The following RASAL2 variants were observed in gnomAD, a reference collection of about 807,000 sequenced individuals.
RASAL2 encodes RAS protein activator like 2.
Under a neutral mutation model 128.9 loss-of-function variants are expected in RASAL2, and 58 were observed. The ratio of observed to expected loss-of-function variants is 0.45; its 90% CI spans 0.36 to 0.56. RASAL2 has a LOEUF of 0.56. Ranked by LOEUF, RASAL2 falls within the 20% of genes least tolerant of loss-of-function variation. RASAL2 has a pLI of 0.00. For synonymous variants in RASAL2, 561 were observed against 580.8 expected (o/e 0.97, Z 0.49); for missense variants, 1,360 against 1,601.6 (o/e 0.85, Z 2.57).
intron 1 of RASAL2, among the ~76,000 whole-genome samples, chr1:178,112,381 C>G (rs1368572454): frequency 2.6e-5 from 4 of 151,928 alleles, no homozygotes; most frequent in African/African-American, 9.7e-5. Context: ...GAAACCCCGT[C>G]TCTACTAAAA....
At chr1:178,340,242 G>A (rs897320233) in intron 3 of RASAL2, among the ~76,000 whole-genome samples, 1 of 152,154 alleles carries the variant, frequency 6.6e-6, no homozygotes, top group African/African-American at 2.4e-5. Flanking sequence ...TTAAAAGGTA[G>A]ATGATAGATT....
In RASAL2 at chr1:178,347,916, A is replaced by T. The variant is rs551567742; in HGVS notation, c.458-42184A>T. Among the ~76,000 whole-genome samples the T allele has an allele frequency of 1.1e-4, 17 of 152,378 alleles. No individual in the cohort carries two copies. In the South Asian group the frequency reaches 3.1e-3, roughly 28 times the overall value. ...TGAAACTACCCAAATGCTCATCAGCAGTAGAATGAATAAATTGTGGTTTGC... is the reference window on the plus strand; with the variant it reads ...TGAAACTACCCAAATGCTCATCAGCTGTAGAATGAATAAATTGTGGTTTGC... On this transcript the variant is annotated intron_variant, in intron 3 of 17. Transcript: ENST00000367649.
intron 2 of RASAL2, among the ~76,000 whole-genome samples, chr1:178,299,203 ATGTC>A (rs999609681): frequency 2.6e-5 from 4 of 152,186 alleles, no homozygotes; most frequent in Non-Finnish European, 5.9e-5. Flanking sequence ...TTTATTAACT[ATGTC>A]TAAGTGCTCA....
chr1:178,335,251 G>GA (rs1213007781), intron 3 of RASAL2, among the ~76,000 whole-genome samples: 8 of 151,338 alleles, frequency 5.3e-5, no homozygotes, highest in Non-Finnish European at 1.2e-4. Context: ...ATATTCTACA[G>GA]AAAAAAAATA....
chr1:178,177,981 T>C (rs1438125135), intron 1 of RASAL2, among the ~76,000 whole-genome samples: 2 of 152,180 alleles, frequency 1.3e-5, no homozygotes, highest in African/African-American at 4.8e-5. Context: ...ATCTCCATAT[T>C]GTAGGGGTTA....
chr1:178,358,005 G>A (rs1257501819), intron 3 of RASAL2, among the ~76,000 whole-genome samples: 3 of 151,968 alleles, frequency 2.0e-5, no homozygotes, highest in African/African-American at 7.2e-5. Context: ...GGAAGCTAAG[G>A]AAGGCGGATC....
chr1:178,210,051 TC>T (rs1325263439), intron 1 of RASAL2, among the ~76,000 whole-genome samples: 1 of 152,086 alleles, frequency 6.6e-6, no homozygotes, highest in Non-Finnish European at 1.5e-5. Flanking sequence ...TTAAATTTTC[TC>T]CCTGTGACTG....
intron 3 of RASAL2, among the ~76,000 whole-genome samples, chr1:178,308,536 T>G (rs1668099323): frequency 6.6e-6 from 1 of 150,458 alleles, no homozygotes; most frequent in Non-Finnish European, 1.5e-5. Context: ...ATTCAAACAT[T>G]AGCTTTTTTT....
At chr1:178,317,539 G>C (rs1668546418) in intron 3 of RASAL2, among the ~76,000 whole-genome samples, 1 of 150,406 alleles carries the variant, frequency 6.6e-6, no homozygotes, top group African/African-American at 2.5e-5. Context: ...ATGTGTCGAG[G>C]AATTTATCCA....
At chr1:178,395,736 G>T (rs1239682888) in intron 4 of RASAL2, among the ~76,000 whole-genome samples, 1 of 146,862 alleles carries the variant, frequency 6.8e-6, no homozygotes, top group African/African-American at 2.6e-5. Flanking sequence ...ATCCATAATA[G>T]GATCGCCCTC....
At chr1:178,109,152 A>G (rs566368006) in intron 1 of RASAL2, among the ~76,000 whole-genome samples, 2 of 152,210 alleles carry the variant, frequency 1.3e-5, no homozygotes, top group Non-Finnish European at 2.9e-5. Flanking sequence ...CTACTTTAAT[A>G]TTAGTAATTC....
rs1381146922 is a variant in RASAL2 at position 178,191,308 on chromosome 1, G to A, written c.203-92256G>A. Among the ~76,000 whole-genome samples, 6 of 151,606 alleles carry A rather than the reference G, an allele frequency of 4.0e-5. No homozygotes were observed. The East Asian group carries it at 1.2e-3, about 29-fold the overall frequency. On this transcript the variant is annotated intron_variant, in intron 1 of 17. Transcript: ENST00000367649. ...TTTAAAAAATTTCAGTATGTTGTGA[G>A]CCAATAATTTTGTTAAATATAATAT...
At chr1:178,207,515 G>C (rs1236599586) in intron 1 of RASAL2, among the ~76,000 whole-genome samples, 6 of 152,250 alleles carry the variant, frequency 3.9e-5, no homozygotes, top group Middle Eastern at 6.8e-3. Context: ...TAAAAGACTT[G>C]AGCATCCTCA....
intron 3 of RASAL2, among the ~76,000 whole-genome samples, chr1:178,345,877 G>A (rs1670125651): frequency 1.3e-5 from 2 of 152,288 alleles, no homozygotes; most frequent in South Asian, 2.1e-4. Context: ...ATCATCTCCT[G>A]TGTACCAAGA....
At chr1:178,422,977 A>G (rs368599253) in intron 5 of RASAL2, among the ~76,000 whole-genome samples, 1 of 152,062 alleles carries the variant, frequency 6.6e-6, no homozygotes, top group Non-Finnish European at 1.5e-5. Flanking sequence ...CTTATTAACC[A>G]TTTGTATATT....
At chr1:178,171,161 A>G (rs1661693467) in intron 1 of RASAL2, among the ~76,000 whole-genome samples, 1 of 151,952 alleles carries the variant, frequency 6.6e-6, no homozygotes, top group Non-Finnish European at 1.5e-5. Flanking sequence ...GTGCCATCCA[A>G]AAGTAATTTC....
At chr1:178,394,240 A>G (rs1191489088) in intron 4 of RASAL2, among the ~76,000 whole-genome samples, 2 of 152,194 alleles carry the variant, frequency 1.3e-5, no homozygotes, top group Non-Finnish European at 2.9e-5. Flanking sequence ...AAACAACTTT[A>G]GTCATTTGAC....
intron 5 of RASAL2, among the ~76,000 whole-genome samples, chr1:178,424,156 G>A (rs924249069): frequency 6.6e-6 from 1 of 151,318 alleles, no homozygotes; most frequent in African/African-American, 2.4e-5. Context: ...TATTCTATCT[G>A]GAGCGATCCA....
chr1:178,296,527 T>G (rs1433881118), intron 2 of RASAL2, among the ~76,000 whole-genome samples: 1 of 151,620 alleles, frequency 6.6e-6, no homozygotes, highest in Non-Finnish European at 1.5e-5. Context: ...AACTGGCTGA[T>G]TTTTATTTTT....
Sources: allele counts gnomAD v4.1 joint callset (sites outside exome capture counted in the v4.1 genomes callset), GRCh38; gene constraint gnomAD v4.1.1; transcripts MANE v1.5; gene names NCBI Gene and HGNC (gene_info 2026-07-23, HGNC 2026-07-21).